The following RASGEF1C variants were observed in gnomAD, a reference collection of about 807,000 sequenced individuals.
RASGEF1C encodes RasGEF domain family member 1C.
Under a neutral mutation model 58.1 loss-of-function variants are expected in RASGEF1C, and 27 were observed. That is an observed-to-expected ratio of 0.46 (90% confidence interval 0.34 to 0.64). The LOEUF (loss-of-function observed/expected upper bound fraction) is 0.64. RASGEF1C is among the 30% of genes least tolerant of loss of function. RASGEF1C has a pLI of 0.01. For missense variants in RASGEF1C, 502 were observed against 605.1 expected, an observed-to-expected ratio of 0.83 and a Z score of 1.79; for synonymous variants, 243 against 246.3, an observed-to-expected ratio of 0.99 and a Z score of 0.13.
At chr5:180,193,672 A>C (rs1406041400) in intron 1 of RASGEF1C, among the ~76,000 whole-genome samples, 2 of 152,272 alleles carry the variant, frequency 1.3e-5, no homozygotes, top group African/African-American at 4.8e-5. Flanking sequence ...AGATACAAAA[A>C]TCAAATGCAG....
chr5:180,189,796 G>T (rs905150515), intron 1 of RASGEF1C, among the ~76,000 whole-genome samples: 5 of 151,724 alleles, frequency 3.3e-5, no homozygotes, highest in African/African-American at 1.2e-4. Flanking sequence ...GGTGGTGGGT[G>T]CCTGTAATCT....
At chr5:180,124,853 C>G (rs2113261490) in intron 6 of RASGEF1C, among the ~76,000 whole-genome samples, 1 of 151,964 alleles carries the variant, frequency 6.6e-6, no homozygotes, top group East Asian at 1.9e-4. Flanking sequence ...AAAACTAGGC[C>G]AGGTGAGGTG....
chr5:180,165,672 A>C (rs1447120619), intron 1 of RASGEF1C, among the ~76,000 whole-genome samples: 1 of 90,392 alleles, frequency 1.1e-5, no homozygotes, highest in Non-Finnish European at 2.9e-5. Flanking sequence ...CTCTGTCTCA[A>C]AAAAAAAAAA....
At chr5:180,114,653 C>G in intron 10 of RASGEF1C, 112 bp from the exon 11 acceptor site, 1 of 1,002,902 alleles carries the variant, frequency 1.0e-6, no homozygotes, top group Non-Finnish European at 1.5e-6. Flanking sequence ...AGACCCGACC[C>G]CAGGGTGCAG....
chr5:180,101,529 C>T lies in RASGEF1C; in HGVS notation c.1377-4G>A, dbSNP rs1320723502. 6.2e-7 allele frequency: 1 copy of T among 1,612,274 alleles called. No individual in the cohort carries two copies. The highest frequency in any genetic ancestry group is 8.5e-7 in the Non-Finnish European group (1 of 1,179,892). ...TGTCTTCCCCAAAATAGAAGATCTGCAGATTTAAGCATGTCGGGAGCGGTG... is the reference window on the plus strand; with the variant it reads ...TGTCTTCCCCAAAATAGAAGATCTGTAGATTTAAGCATGTCGGGAGCGGTG... On this transcript the variant is annotated splice_region_variant and splice_polypyrimidine_tract_variant and intron_variant, in intron 13 of 13. Transcript: ENST00000361132.
intron 1 of RASGEF1C, among the ~76,000 whole-genome samples, chr5:180,185,879 C>G (rs1756026700): frequency 6.6e-6 from 1 of 151,988 alleles, no homozygotes. Flanking sequence ...AGGCACATAA[C>G]TTGAGTCCAG....
intron 4 of RASGEF1C, among the ~76,000 whole-genome samples, chr5:180,129,821 C>A (rs1251033899): frequency 6.6e-6 from 1 of 152,190 alleles, no homozygotes; most frequent in Non-Finnish European, 1.5e-5. Context: ...TAGACCAAAC[C>A]CCTTGAGGAC....
chr5:180,117,823 G>A (rs775790021), intron 10 of RASGEF1C, among the ~76,000 whole-genome samples: 71 of 151,896 alleles, frequency 4.7e-4, no homozygotes, highest in Non-Finnish European at 7.9e-4. Context: ...GTGAAACTCC[G>A]CCTCTACTAA....
At chr5:180,116,736 C>G (rs1034251397) in intron 10 of RASGEF1C, among the ~76,000 whole-genome samples, 4 of 152,222 alleles carry the variant, frequency 2.6e-5, no homozygotes, top group African/African-American at 9.6e-5. Flanking sequence ...GCTGACGGCT[C>G]CCAGCCCAGC....
At chr5:180,172,763 GCTC>G (rs764461606) in intron 1 of RASGEF1C, among the ~76,000 whole-genome samples, 8 of 152,058 alleles carry the variant, frequency 5.3e-5, no homozygotes, top group Admixed American at 2.0e-4. Flanking sequence ...GCTCCTCTGT[GCTC>G]CTCATCTCTG....
In RASGEF1C at chr5:180,117,669, C is replaced by T. The variant is rs376589071; in HGVS notation, c.1083+940G>A. Among the ~76,000 whole-genome samples, 33 of 152,182 alleles carry T rather than the reference C, an allele frequency of 2.2e-4. No individual in the cohort carries two copies. In the East Asian group the frequency reaches 4.4e-3, roughly 21 times the overall value. ...GAGGAAAAATAAAATTGATCAGGTCCGCAGAGGCTCCACAAATGCAGGGAT... is the reference window on the plus strand; with the variant it reads ...GAGGAAAAATAAAATTGATCAGGTCTGCAGAGGCTCCACAAATGCAGGGAT... On this transcript the variant is annotated intron_variant, in intron 10 of 13. Transcript: ENST00000361132.
In RASGEF1C at chr5:180,137,492, G is replaced by A. The variant is rs1766502380; in HGVS notation, c.300+98C>T. 13 of 1,500,492 alleles carry A rather than the reference G, an allele frequency of 8.7e-6. No homozygotes were observed. In the Admixed American group the frequency reaches 9.8e-5, roughly 11 times the overall value. 92.9% of individuals were successfully genotyped at this position (1,500,492 alleles called of 1,614,324 possible). ...CCGGTAGCCACCTTGTCAGGAAAAC[G>A]GGGACAATCATTGCCTCCCCGAGAG... On this transcript the variant is annotated intron_variant, in intron 3 of 13. Transcript: ENST00000361132. The surrounding 1 kb of genome is among the most constrained non-coding windows in gnomAD (Gnocchi z 4.1).
In RASGEF1C at chr5:180,121,164, G is replaced by A; in HGVS notation, c.715-15C>T. On this transcript the variant is annotated splice_polypyrimidine_tract_variant and intron_variant, in intron 6 of 13. Transcript: ENST00000361132. ...CTGAAGCAGGGCTAGAACAAACACAGCACACGGGACCACGTTCTGAGCCTT... is the reference window on the plus strand; with the variant it reads ...CTGAAGCAGGGCTAGAACAAACACAACACACGGGACCACGTTCTGAGCCTT... The A allele has an allele frequency of 1.3e-6, 2 of 1,588,472 alleles. No homozygotes were observed. The highest frequency in any genetic ancestry group is 2.2e-5 in the South Asian group (2 of 90,552).
chr5:180,202,185 A>G (rs901842300), intron 1 of RASGEF1C, among the ~76,000 whole-genome samples: 2 of 152,218 alleles, frequency 1.3e-5, no homozygotes, highest in African/African-American at 4.8e-5. Context: ...AAAGCTTAAT[A>G]GTGTTCATTA....
intron 1 of RASGEF1C, among the ~76,000 whole-genome samples, chr5:180,202,272 G>T (rs1756407499): frequency 6.6e-6 from 1 of 152,028 alleles, no homozygotes; most frequent in Non-Finnish European, 1.5e-5. Context: ...ATGAAAAACA[G>T]ATCTAACACA....
At chr5:180,162,498 G>A (rs1766958279) in intron 1 of RASGEF1C, among the ~76,000 whole-genome samples, 1 of 152,226 alleles carries the variant, frequency 6.6e-6, no homozygotes, top group African/African-American at 2.4e-5. Flanking sequence ...GCCATGTGGG[G>A]CAGACCCAGG....
At chr5:180,131,402 A>G (rs1766367065) in intron 4 of RASGEF1C, among the ~76,000 whole-genome samples, 1 of 149,924 alleles carries the variant, frequency 6.7e-6, no homozygotes, top group African/African-American at 2.5e-5. Context: ...CAGGATCTGG[A>G]CAGCTTTCTC....
chr5:180,202,360 T>G (rs1246077248), intron 1 of RASGEF1C, among the ~76,000 whole-genome samples: 1 of 152,110 alleles, frequency 6.6e-6, no homozygotes, highest in Non-Finnish European at 1.5e-5. Context: ...TAAGAAAATG[T>G]TTTAGAAATA....
At chr5:180,117,966 C>G (rs943310255) in intron 10 of RASGEF1C, among the ~76,000 whole-genome samples, 2 of 145,758 alleles carry the variant, frequency 1.4e-5, no homozygotes, top group African/African-American at 5.2e-5. Context: ...TGCACTCCAG[C>G]CTGGGCGACA....
Sources: allele counts gnomAD v4.1 joint callset (sites outside exome capture counted in the v4.1 genomes callset), GRCh38; gene constraint gnomAD v4.1.1; non-coding constraint Gnocchi (gnomAD v3.1); transcripts MANE v1.5; gene names NCBI Gene and HGNC (gene_info 2026-07-23, HGNC 2026-07-21).